The following AKAP17A variants were observed in gnomAD, a reference collection of about 807,000 sequenced individuals.
AKAP17A encodes the protein A-kinase anchoring protein 17A.
AKAP17A carries 15 observed loss-of-function variants against 52.2 expected under a neutral mutation model. The ratio of observed to expected loss-of-function variants is 0.29; its 90% CI spans 0.19 to 0.44. The LOEUF is 0.44. Ranked by LOEUF, AKAP17A falls within the 20% of genes least tolerant of loss-of-function variation. The pLI is 1.00. For missense variants in AKAP17A, 1,060 were observed against 1,007.0 expected, an observed-to-expected ratio of 1.05 and a Z score of -0.71; for synonymous variants, 514 against 424.7, an observed-to-expected ratio of 1.21 and a Z score of -2.58.
rs772263403 is a variant in AKAP17A at position 1,602,075 on chromosome X, C to A, written c.*481C>A. On this transcript the variant is annotated 3_prime_UTR_variant, in exon 5 of 5. Transcript: ENST00000313871. ...TGTAATGTTAACTGATCAGGAAGTG[C>A]AGTTTGGGTGGGATGCCGAATCGTC... is the stretch of plus-strand genomic sequence containing the variant. 1.9e-5 allele frequency: 3 copies of A among 158,038 alleles called. No individual in the cohort carries two copies. In the East Asian group the frequency reaches 5.6e-4, roughly 29 times the overall value. The allele number at this position is 158,038 out of a possible 1,614,324, so 9.8% of individuals were successfully genotyped here. A position where few individuals can be genotyped will look rare whatever the true frequency, so the allele number is the denominator to read the frequency against.
intron 2 of AKAP17A, among the ~76,000 whole-genome samples, chrX:1,594,897 G>A (rs1438509632): frequency 2.6e-5 from 4 of 152,190 alleles, no homozygotes; most frequent in Non-Finnish European, 5.9e-5. Flanking sequence ...GATTACAGGC[G>A]TGAGCCACTG....
intron 3 of AKAP17A, among the ~76,000 whole-genome samples, chrX:1,598,512 C>T (rs1258788720): frequency 6.6e-6 from 1 of 152,148 alleles, no homozygotes; most frequent in African/African-American, 2.4e-5. Context: ...GACTTGTTCC[C>T]ATGTCCGGTG....
rs200868282 is a variant in AKAP17A, at chrX:1,596,425, A to ATCC, written c.911+915_911+917dup. ...CTTTCTGTGAATCCCCTGAGGCGGA[A>ATCC]TCCTCCTCCTCCTCCTCCTCCTCCA... On this transcript the variant is annotated intron_variant, in intron 3 of 4. Coordinates refer to ENST00000313871, the MANE Select transcript of AKAP17A (RefSeq NM_005088.3). 1.9e-3 allele frequency among the ~76,000 whole-genome samples: 272 copies of ATCC among 145,556 alleles called. 5 individuals carry two copies. The highest frequency in any genetic ancestry group is 4.7e-3 in the African/African-American group (183 of 38,718).
Position 1,601,374 on chromosome X carries a change from C to A in AKAP17A, c.1868C>A (p.Pro623His). The part of the protein sequence containing the change: ...EDGRPRKERR[P>H]HKKHAYKDDS... The stretch of plus-strand genomic sequence containing the variant: ...GGGAGGCCACGCAAGGAGCGGCGGC[C>A]CCACAAGAAGCACGCCTACAAGGAT... Residue 623 changes from proline to histidine, a missense_variant, in exon 5 of 5, where the codon CCC (proline) becomes CAC (histidine). Physicochemically the swap from Pro to His is moderately conservative, Grantham distance 77. Around this residue, in one of 2 missense-constraint regions of AKAP17A, gnomAD observed 793 missense variants for 629.9 expected, o/e 1.26. Transcript: ENST00000313871. The A allele has an allele frequency of 6.3e-7, 1 of 1,575,360 alleles. No individual in the cohort carries two copies. The highest frequency in any genetic ancestry group is 8.6e-7 in the Non-Finnish European group (1 of 1,166,312).
chrX:1,594,329 C>A, intron 2 of AKAP17A, 105 bp downstream of exon 2: 2 of 1,351,654 alleles, frequency 1.5e-6, no homozygotes, highest in Non-Finnish European at 2.0e-6. Context: ...GCTGTGGGGA[C>A]CTCCCCTAAG....
In AKAP17A at chrX:1,599,273, C is replaced by G. The variant is rs1392361137; in HGVS notation, c.993C>G (p.Asp331Glu). 6.2e-7 allele frequency: 1 copy of G among 1,612,294 alleles called. No homozygotes were observed. Among genetic ancestry groups the G allele is most frequent in the Non-Finnish European group, 8.5e-7 (1 of 1,179,656 alleles). Residue 331 changes from aspartate to glutamate, a missense_variant, in exon 4 of 5, where the codon GAC becomes GAG. This residue lies in a region of AKAP17A where 793 missense variants were observed against 629.9 expected (regional missense o/e 1.26). Coordinates refer to ENST00000313871, the MANE Select transcript of AKAP17A (RefSeq NM_005088.3). ...GCAAGAGGGAGCAGAAGCAGAGGGA[C>G]CGTGAGCTGCGCCGGAATCAGAAGA... ...KLRKREQKQR[D>E]RELRRNQKKL... is the part of the protein sequence containing the mutation.
intron 4 of AKAP17A, chrX:1,599,848 G>A: frequency 3.4e-6 from 2 of 594,494 alleles, no homozygotes; most frequent in South Asian, 4.0e-5. Context: ...GGTGGGCTGG[G>A]GGGAGGGCTG....
intron 4 of AKAP17A, chrX:1,600,270 T>A: frequency 1.7e-6 from 2 of 1,153,570 alleles, no homozygotes; most frequent in Non-Finnish European, 2.3e-6. Flanking sequence ...GGCGGTGGCA[T>A]GCGTCTGCGG....
intron 4 of AKAP17A, 116 bp downstream of exon 4, chrX:1,599,548 C>G: frequency 7.1e-7 from 1 of 1,417,088 alleles, no homozygotes; most frequent in Admixed American, 2.0e-5. Flanking sequence ...GCTGTAGCTA[C>G]GAAACCAGCT....
intron 4 of AKAP17A, chrX:1,599,733 G>A (rs1407912480): frequency 2.1e-5 from 13 of 621,462 alleles, no homozygotes; most frequent in African/African-American, 3.7e-5. Context: ...TTTGGGTCGG[G>A]GCAGTGGCAG....
rs1933435016 is a variant in AKAP17A at position 1,602,332 on chromosome X, G to A, written c.*738G>A. On this transcript the variant is annotated 3_prime_UTR_variant, in exon 5 of 5. Coordinates refer to ENST00000313871, the MANE Select transcript of AKAP17A (RefSeq NM_005088.3). ...TGTGGTTTTTTTAAGAAGCTGTTTT[G>A]CTAAATTATTTTTACTTGGAATGTT... The A allele has an allele frequency of 6.6e-6, 1 of 152,030 alleles. No homozygotes were observed. Among genetic ancestry groups the A allele is most frequent in the South Asian group, 2.1e-4 (1 of 4,826 alleles). 9.4% of individuals were successfully genotyped at this position (152,030 alleles called of 1,614,324 possible).
intron 3 of AKAP17A, among the ~76,000 whole-genome samples, chrX:1,595,856 C>T (rs1932951429): frequency 1.3e-5 from 2 of 151,726 alleles, no homozygotes; most frequent in South Asian, 2.1e-4. Context: ...TGTATCGGCA[C>T]ATAGCACACA....
chrX:1,595,576 C>T (rs754655103), intron 3 of AKAP17A, 44 bp downstream of exon 3: 2 of 1,611,912 alleles, frequency 1.2e-6, no homozygotes, highest in Non-Finnish European at 1.7e-6. Flanking sequence ...TGTCCGGCAC[C>T]TGGGAGTGTG....
intron 4 of AKAP17A, chrX:1,600,391 C>G (rs1603460321): frequency 3.2e-6 from 2 of 625,158 alleles, no homozygotes; most frequent in East Asian, 5.7e-5. Flanking sequence ...GAGGCCCGCC[C>G]TGGGGCTGCG....
intron 3 of AKAP17A, among the ~76,000 whole-genome samples, chrX:1,596,505 C>T (rs1449803317): frequency 1.5e-5 from 2 of 136,510 alleles, no homozygotes; most frequent in Non-Finnish European, 3.2e-5. Flanking sequence ...CCATCCCTCC[C>T]ACCCTCCTAG....
In AKAP17A at chrX:1,602,206, G is replaced by T. The variant is rs1232462016; in HGVS notation, c.*612G>T. 2 of 152,214 alleles carry T rather than the reference G, an allele frequency of 1.3e-5. No individual in the cohort carries two copies. The highest frequency in any genetic ancestry group is 4.8e-5 in the African/African-American group (2 of 41,402). The allele number at this position is 152,214 out of a possible 1,614,324, so 9.4% of individuals were successfully genotyped here. On this transcript the variant is annotated 3_prime_UTR_variant, in exon 5 of 5. Coordinates refer to ENST00000313871, the MANE Select transcript of AKAP17A (RefSeq NM_005088.3). ...CGGTATGTGGGGAGTGGTACAAAATGGTCTGATGCTCCTTCAAAAACATTC... is the reference window on the plus strand; with the variant it reads ...CGGTATGTGGGGAGTGGTACAAAATTGTCTGATGCTCCTTCAAAAACATTC...
In AKAP17A at chrX:1,601,405, C is replaced by A; in HGVS notation, c.1899C>A (p.Ser633Arg). ...AGAAGCACGCCTACAAGGATGACAG[C>A]CCCCGCCGGCGCAGCACGAGCCCGG... is the stretch of plus-strand genomic sequence containing the variant. The part of the protein sequence containing the change: ...PHKKHAYKDD[S>R]PRRRSTSPDH... Residue 633 changes from serine to arginine, a missense_variant, in exon 5 of 5, where the codon AGC becomes AGA. Physicochemically the swap from Ser to Arg is moderately radical, Grantham distance 110 (BLOSUM62 -1). Transcript: ENST00000313871. 3.2e-6 allele frequency: 5 copies of A among 1,562,494 alleles called. No homozygotes were observed. Among genetic ancestry groups the A allele is most frequent in the Non-Finnish European group, 4.3e-6 (5 of 1,161,658 alleles).
chrX:1,595,345 T>C (rs374093955), intron 2 of AKAP17A, 39 bp from the exon 3 acceptor site: 1 of 1,611,794 alleles, frequency 6.2e-7, no homozygotes, highest in Non-Finnish European at 8.5e-7. Flanking sequence ...CTGGGGGGTT[T>C]TGGGGGAAGG....
At chrX:1,598,336 T>C (rs1170389334) in intron 3 of AKAP17A, among the ~76,000 whole-genome samples, 3 of 152,078 alleles carry the variant, frequency 2.0e-5, no homozygotes, top group Non-Finnish European at 2.9e-5. Context: ...GTGGGATGCC[T>C]TTTCTCCCGG....
Sources: gnomAD v4.1 joint callset for allele counts (sites outside exome capture counted in the v4.1 genomes callset) on GRCh38, gnomAD v4.1.1 for gene constraint, gnomAD v4.1.1 regional missense constraint, MANE v1.5 for transcripts, NCBI Gene and HGNC (gene_info 2026-07-23, HGNC 2026-07-21) for gene names.